The following FNBP1 variants were observed in gnomAD, a reference collection of about 807,000 sequenced individuals.
The protein encoded by FNBP1 is formin binding protein 1.
Under a neutral mutation model 90.6 loss-of-function variants are expected in FNBP1, and 26 were observed. The ratio of observed to expected loss-of-function variants is 0.29; its 90% CI spans 0.21 to 0.40. The LOEUF (loss-of-function observed/expected upper bound fraction) is 0.40. Ranked by LOEUF, FNBP1 falls within the 10% of genes least tolerant of loss-of-function variation. The pLI is 1.00. For synonymous variants in FNBP1, 260 were observed against 265.2 expected, an observed-to-expected ratio of 0.98 and a Z score of 0.19; for missense variants, 635 against 768.0, an observed-to-expected ratio of 0.83 and a Z score of 2.05.
Position 130,042,303 on chromosome 9 carries a change from T to C in FNBP1, c.24+649A>G, listed in dbSNP as rs1306936883. ...CGTAAGATCTCTCCCTAACTCCCAC[T>C]TTCCCCTCCAGACCAGACGTCGCAG... is the stretch of plus-strand genomic sequence containing the variant. On this transcript the variant is annotated intron_variant, in intron 1 of 16. Coordinates refer to ENST00000446176, the MANE Select transcript of FNBP1 (RefSeq NM_015033.3). This position sits in a 1 kb window ranked among gnomAD's most constrained non-coding sequence, Gnocchi z 5.5. 6.6e-6 allele frequency among the ~76,000 whole-genome samples: 1 copy of C among 152,032 alleles called. No individual in the cohort carries two copies. The highest frequency in any genetic ancestry group is 1.5e-5 in the Non-Finnish European group (1 of 67,998).
intron 6 of FNBP1, among the ~76,000 whole-genome samples, chr9:129,954,591 A>C (rs1326667444): frequency 6.6e-6 from 1 of 152,188 alleles, no homozygotes; most frequent in East Asian, 1.9e-4. Flanking sequence ...CACGTTAATG[A>C]ATTAAAGGAA....
intron 2 of FNBP1, among the ~76,000 whole-genome samples, chr9:129,988,445 G>A (rs561814265): frequency 1.3e-5 from 2 of 152,196 alleles, no homozygotes; most frequent in South Asian, 2.1e-4. Context: ...TTGGGAGGCC[G>A]AGGCAGGTGG....
intron 6 of FNBP1, among the ~76,000 whole-genome samples, chr9:129,939,809 T>C (rs1331214056): frequency 1.3e-5 from 2 of 152,068 alleles, no homozygotes; most frequent in African/African-American, 2.4e-5. Context: ...AAAAAGGTAG[T>C]AATAATATAA....
chr9:129,892,937 T>TTAAATTTGAATAACGAAA (rs1285293844), intron 16 of FNBP1, among the ~76,000 whole-genome samples: 3 of 149,366 alleles, frequency 2.0e-5, no homozygotes, highest in Non-Finnish European at 4.5e-5. Context: ...ATTTTCTGAA[T>TTAAATTTGAATAACGAAA]TAAATTTGAA....
intron 1 of FNBP1, among the ~76,000 whole-genome samples, chr9:130,002,009 C>G (rs1294416036): frequency 1.6e-5 from 2 of 124,382 alleles, no homozygotes; most frequent in Admixed American, 9.5e-5. Flanking sequence ...GCCTGGGCAA[C>G]AGAGTAAGAC....
At chr9:129,905,294 GTATA>G (rs56217495) in intron 12 of FNBP1, among the ~76,000 whole-genome samples, 1 of 132,334 alleles carries the variant, frequency 7.6e-6, no homozygotes, top group South Asian at 2.5e-4. Flanking sequence ...GTGTGTGTGT[GTATA>G]TATATATATA....
chr9:129,926,336 T>C (rs1348228314), intron 8 of FNBP1, among the ~76,000 whole-genome samples: 1 of 152,176 alleles, frequency 6.6e-6, no homozygotes, highest in Non-Finnish European at 1.5e-5. Context: ...TATGCTGGTG[T>C]TCTAGTTTAT....
intron 2 of FNBP1, among the ~76,000 whole-genome samples, chr9:129,992,703 G>A (rs552152113): frequency 3.3e-4 from 50 of 150,826 alleles, no homozygotes; most frequent in Non-Finnish European, 6.4e-4. Context: ...ACAGGCACCC[G>A]CCACCATGCC....
At chr9:129,964,380 T>G (rs543521111) in intron 4 of FNBP1, among the ~76,000 whole-genome samples, 22 of 152,210 alleles carry the variant, frequency 1.4e-4, no homozygotes, top group Non-Finnish European at 3.2e-4. Flanking sequence ...AAATGCTTCT[T>G]ACTTTCTGCT....
intron 1 of FNBP1, among the ~76,000 whole-genome samples, chr9:130,037,172 C>T (rs1051299690): frequency 6.6e-6 from 1 of 151,874 alleles, no homozygotes; most frequent in Non-Finnish European, 1.5e-5. Flanking sequence ...GCCTGGTCAA[C>T]GTGGTGAAAC....
In FNBP1 at chr9:129,890,555, C is replaced by T; in HGVS notation, c.1847-9G>A. On this transcript the variant is annotated splice_polypyrimidine_tract_variant and intron_variant, in intron 16 of 16. Coordinates refer to ENST00000446176, the MANE Select transcript of FNBP1 (RefSeq NM_015033.3). This position sits in a 1 kb window ranked among gnomAD's most constrained non-coding sequence, Gnocchi z 5.8. ...CACTCCCCTCTAGGAATCTACAACA[C>T]AAAGAGAAACAGAAAGAGAAACTCT... 3 of 1,580,966 alleles carry T rather than the reference C, an allele frequency of 1.9e-6. No individual in the cohort carries two copies. The highest frequency in any genetic ancestry group is 2.3e-5 in the South Asian group (2 of 86,006).
chr9:130,017,191 C>CA (rs1356089551), intron 1 of FNBP1, among the ~76,000 whole-genome samples: 3 of 151,690 alleles, frequency 2.0e-5, no homozygotes, highest in East Asian at 1.9e-4. Flanking sequence ...AGATCAGCTG[C>CA]AAAAAAAAGC....
intron 16 of FNBP1, among the ~76,000 whole-genome samples, chr9:129,893,577 C>A (rs1470648477): frequency 1.7e-5 from 2 of 117,558 alleles, no homozygotes; most frequent in Non-Finnish European, 3.2e-5. Flanking sequence ...TGTATCATTG[C>A]CCTTGAGTCT....
intron 1 of FNBP1, among the ~76,000 whole-genome samples, chr9:130,025,705 C>T (rs1459631539): frequency 1.3e-5 from 2 of 152,206 alleles, no homozygotes; most frequent in Admixed American, 1.3e-4. Context: ...GGGTGGATCA[C>T]CTGAGGTCAG....
At chr9:130,033,234 C>T (rs1486534455) in intron 1 of FNBP1, among the ~76,000 whole-genome samples, 1 of 152,120 alleles carries the variant, frequency 6.6e-6, no homozygotes, top group Non-Finnish European at 1.5e-5. Context: ...TCATACCATA[C>T]TTTATAGATT....
intron 6 of FNBP1, among the ~76,000 whole-genome samples, chr9:129,939,293 G>A (rs1478247332): frequency 1.3e-5 from 2 of 151,652 alleles, no homozygotes; most frequent in Non-Finnish European, 2.9e-5. Context: ...GGAGGCTGAG[G>A]CAGGAGAATC....
chr9:129,953,499 A>T (rs950922257), intron 6 of FNBP1, among the ~76,000 whole-genome samples: 3 of 151,828 alleles, frequency 2.0e-5, no homozygotes, highest in Non-Finnish European at 4.4e-5. Context: ...CAGAAAAAAT[A>T]AATAAATAAA....
At chr9:129,983,255 G>A (rs1205888565) in intron 2 of FNBP1, among the ~76,000 whole-genome samples, 1 of 152,084 alleles carries the variant, frequency 6.6e-6, no homozygotes, top group Non-Finnish European at 1.5e-5. Context: ...TCCCTTGTAG[G>A]TGATATACTG....
At chr9:130,003,849 G>A (rs1289578614) in intron 1 of FNBP1, among the ~76,000 whole-genome samples, 5 of 146,966 alleles carry the variant, frequency 3.4e-5, no homozygotes, top group South Asian at 2.1e-4. Flanking sequence ...GCGTGAACCC[G>A]GGAGGCAGAG....
Sources: gnomAD v4.1 joint callset for allele counts (sites outside exome capture counted in the v4.1 genomes callset) on GRCh38, gnomAD v4.1.1 for gene constraint, Gnocchi (gnomAD v3.1) non-coding constraint, MANE v1.5 for transcripts, NCBI Gene and HGNC (gene_info 2026-07-23, HGNC 2026-07-21) for gene names.